PPP6R3: variants seen among roughly 807,000 people sequenced by gnomAD.
PPP6R3 encodes serine/threonine-protein phosphatase 6 regulatory subunit 3.
Under a neutral mutation model 110.7 loss-of-function variants are expected in PPP6R3, and 38 were observed. The observed-to-expected ratio is 0.34, with a 90% CI of 0.26 to 0.45. PPP6R3 has a LOEUF of 0.45. PPP6R3 is among the 20% of genes least tolerant of loss of function. The pLI, the probability that PPP6R3 is intolerant of heterozygous loss-of-function variation, is 1.00. For missense variants in PPP6R3, 870 were observed against 1,062.4 expected, an observed-to-expected ratio of 0.82 and a Z score of 2.52; for synonymous variants, 369 against 373.5, an observed-to-expected ratio of 0.99 and a Z score of 0.14.
intron 7 of PPP6R3, among the ~76,000 whole-genome samples, chr11:68,555,389 G>C (rs1456693848): frequency 2.6e-5 from 4 of 152,220 alleles, no homozygotes; most frequent in African/African-American, 9.6e-5. Flanking sequence ...GTGCTGCCCA[G>C]TGGAAATAGA....
At chr11:68,480,663 A>G (rs1009565848) in intron 1 of PPP6R3, among the ~76,000 whole-genome samples, 8 of 152,202 alleles carry the variant, frequency 5.3e-5, no homozygotes, top group Non-Finnish European at 1.5e-5. Context: ...GGTTGCTGGT[A>G]TTATCTGCTA....
intron 21 of PPP6R3, among the ~76,000 whole-genome samples, chr11:68,603,019 G>T (rs2099636345): frequency 6.6e-6 from 1 of 152,140 alleles, no homozygotes; most frequent in Admixed American, 6.5e-5. Context: ...GTAACTGCCT[G>T]CTCTGCCCCA....
chr11:68,500,811 G>A (rs561972443), intron 1 of PPP6R3, among the ~76,000 whole-genome samples: 1 of 152,306 alleles, frequency 6.6e-6, no homozygotes, highest in South Asian at 2.1e-4. Flanking sequence ...TGTTTCTTTG[G>A]TTGTGATCTG....
intron 18 of PPP6R3, among the ~76,000 whole-genome samples, chr11:68,595,462 C>T (rs1214123616): frequency 1.3e-5 from 2 of 151,968 alleles, no homozygotes; most frequent in Non-Finnish European, 2.9e-5. Context: ...GTGGTCTGCC[C>T]GCCTCAGCCT....
intron 1 of PPP6R3, among the ~76,000 whole-genome samples, chr11:68,496,496 A>G (rs1281812888): frequency 2.0e-5 from 3 of 151,004 alleles, no homozygotes; most frequent in African/African-American, 4.9e-5. Context: ...TTTTTTGGAG[A>G]CAGTCTTACT....
At chr11:68,602,047 G>A (rs1298305459) in intron 21 of PPP6R3, 78 bp downstream of exon 21, 1 of 1,179,496 alleles carries the variant, frequency 8.5e-7, no homozygotes, top group Non-Finnish European at 1.2e-6. Flanking sequence ...TCAGGCTCAG[G>A]GGCTAGTGGA....
At chr11:68,523,566 T>C (rs563260560) in intron 2 of PPP6R3, among the ~76,000 whole-genome samples, 3 of 152,194 alleles carry the variant, frequency 2.0e-5, no homozygotes, top group Admixed American at 2.0e-4. Context: ...ACTTCATCTC[T>C]GCTACCATGG....
chr11:68,570,185 A>G (rs2153779826), intron 11 of PPP6R3, among the ~76,000 whole-genome samples: 1 of 152,384 alleles, frequency 6.6e-6, no homozygotes, highest in South Asian at 2.1e-4. Context: ...GATTTGAAGA[A>G]TCATAGAAAT....
intron 1 of PPP6R3, among the ~76,000 whole-genome samples, chr11:68,462,029 CT>C (rs1190584241): frequency 2.6e-5 from 4 of 151,536 alleles, no homozygotes; most frequent in South Asian, 4.2e-4. Context: ...CCCAGCTTCT[CT>C]TTTTTTTTCT....
chr11:68,521,481 C>T (rs1379438898), intron 2 of PPP6R3, among the ~76,000 whole-genome samples: 11 of 152,164 alleles, frequency 7.2e-5, no homozygotes, highest in Non-Finnish European at 1.0e-4. Flanking sequence ...AGTTATTCCT[C>T]CTCCTCCTCC....
At chr11:68,479,192 A>G (rs1285886669) in intron 1 of PPP6R3, among the ~76,000 whole-genome samples, 1 of 152,148 alleles carries the variant, frequency 6.6e-6, no homozygotes, top group East Asian at 1.9e-4. Flanking sequence ...TAATACAATT[A>G]AAAAATAATG....
chr11:68,466,968 G>C (rs952471925), intron 1 of PPP6R3, among the ~76,000 whole-genome samples: 1 of 134,924 alleles, frequency 7.4e-6, no homozygotes, highest in Non-Finnish European at 1.6e-5. Context: ...GGATGGTCTC[G>C]ATCTCTTAGT....
chr11:68,523,723 T>C (rs1274634250), intron 2 of PPP6R3, among the ~76,000 whole-genome samples: 3 of 101,216 alleles, frequency 3.0e-5, no homozygotes, highest in Non-Finnish European at 5.7e-5. Flanking sequence ...CCCCCCCCCT[T>C]TTTTTTTTCT....
At chr11:68,606,660 T>C (rs1160740461) in intron 22 of PPP6R3, among the ~76,000 whole-genome samples, 1 of 152,164 alleles carries the variant, frequency 6.6e-6, no homozygotes, top group African/African-American at 2.4e-5. Flanking sequence ...AATACCAAAA[T>C]GCTACAGCAA....
chr11:68,576,194 C>CA (rs2099530739), intron 14 of PPP6R3, 151 bp downstream of exon 14: 1 of 581,952 alleles, frequency 1.7e-6, no homozygotes, highest in African/African-American at 1.9e-5. Flanking sequence ...GGTCAGTATT[C>CA]ACAATATTCT....
chr11:68,569,424 T>A (rs1486594323), intron 10 of PPP6R3, among the ~76,000 whole-genome samples: 1 of 152,188 alleles, frequency 6.6e-6, no homozygotes, highest in East Asian at 1.9e-4. Flanking sequence ...CAGGAAGAGA[T>A]TAATAATAAC....
intron 2 of PPP6R3, among the ~76,000 whole-genome samples, chr11:68,527,121 G>A (rs1342163782): frequency 1.3e-5 from 2 of 152,196 alleles, no homozygotes; most frequent in Non-Finnish European, 2.9e-5. Flanking sequence ...TGTATCATTT[G>A]ACACCAAAGT....
At chr11:68,483,355 C>CA (rs2098927585) in intron 1 of PPP6R3, among the ~76,000 whole-genome samples, 1 of 152,232 alleles carries the variant, frequency 6.6e-6, no homozygotes, top group African/African-American at 2.4e-5. Flanking sequence ...CAAAATTGAG[C>CA]AAAAAATATG....
chr11:68,493,102 G>A (rs780109171), intron 1 of PPP6R3, among the ~76,000 whole-genome samples: 1 of 151,990 alleles, frequency 6.6e-6, no homozygotes, highest in Non-Finnish European at 1.5e-5. Context: ...GTGCTTACTG[G>A]GCATTTCCAC....
Sources: allele counts gnomAD v4.1 joint callset (sites outside exome capture counted in the v4.1 genomes callset), GRCh38; gene constraint gnomAD v4.1.1; transcripts MANE v1.5; gene names NCBI Gene and HGNC (gene_info 2026-07-23, HGNC 2026-07-21).